The following HOXC4 variants were observed in gnomAD, a reference collection of about 807,000 sequenced individuals.
HOXC4 encodes homeobox C4.
HOXC4 carries 15 observed loss-of-function variants against 25.5 expected under a neutral mutation model. The ratio of observed to expected loss-of-function variants is 0.59; its 90% CI spans 0.39 to 0.91. The LOEUF (loss-of-function observed/expected upper bound fraction) is 0.91. HOXC4 is among the 40% of genes least tolerant of loss of function. The pLI is 0.00. For missense variants in HOXC4, 342 were observed against 352.4 expected, an observed-to-expected ratio of 0.97 and a Z score of 0.24; for synonymous variants, 165 against 148.0, an observed-to-expected ratio of 1.11 and a Z score of -0.83.
At chr12:54,025,443 A>C (rs534355918) in intron 1 of HOXC4, among the ~76,000 whole-genome samples, 2 of 151,022 alleles carry the variant, frequency 1.3e-5, no homozygotes, top group Admixed American at 1.3e-4. Flanking sequence ...CTTGGAGCGA[A>C]TCCTTTCAGC....
intron 1 of HOXC4, chr12:54,028,543 C>G (rs1368012211): frequency 6.2e-7 from 1 of 1,613,948 alleles, no homozygotes; most frequent in Non-Finnish European, 8.5e-7. Context: ...CTTCACTAAC[C>G]CTTCCTTATC....
upstream of HOXC4, among the ~76,000 whole-genome samples, chr12:54,052,631 C>G (rs1197286904): frequency 2.0e-5 from 3 of 151,752 alleles, no homozygotes; most frequent in Admixed American, 2.0e-4. Context: ...CTCTACGGCC[C>G]TGTCACCCCC....
intron 1 of HOXC4, among the ~76,000 whole-genome samples, chr12:54,032,532 T>C (rs746492450): frequency 3.3e-5 from 5 of 152,200 alleles, no homozygotes; most frequent in African/African-American, 9.7e-5. Context: ...TTTTTGAAGA[T>C]TGGAAGACCC....
At position 54,055,117 on chromosome 12, in the gene HOXC4, C is replaced by T. The variant is rs199538004; in HGVS notation, c.707C>T (p.Ser236Leu). The T allele has an allele frequency of 4.3e-6, 7 of 1,613,166 alleles. No individual in the cohort carries two copies. Among genetic ancestry groups the T allele is most frequent in the East Asian group, 2.2e-5 (1 of 44,864 alleles). Residue 236 changes from serine (S) to leucine (L), a missense_variant, in exon 2 of 2, where the codon TCG becomes TTG. Transcript: ENST00000430889. ...PPAGAAPSTLSAATPGTSEDH... is the reference protein window; with the variant it reads ...PPAGAAPSTLLAATPGTSEDH... ...GCCGGCGCTGCGCCCAGCACCCTTT[C>T]GGCAGCTACCCCGGGTACTTCTGAA...
At chr12:54,017,283 T>G (rs1441732568) in exon 1 of HOXC4, 2 of 152,158 alleles carry the variant, frequency 1.3e-5, no homozygotes, top group East Asian at 3.8e-4. Flanking sequence ...ATTTTTGAAT[T>G]TATATAAAGT....
chr12:54,033,319 A>AC, intron 1 of HOXC4: 1 of 1,613,018 alleles, frequency 6.2e-7, no homozygotes, highest in Non-Finnish European at 8.5e-7. Context: ...ATGGCTGCCA[A>AC]CCCCCGGGCT....
intron 1 of HOXC4, chr12:54,021,468 C>T (rs1308202812): frequency 6.6e-6 from 1 of 152,218 alleles, no homozygotes; most frequent in Admixed American, 6.5e-5. Flanking sequence ...AGCCTTTTTC[C>T]CTTCCAGAGA....
intron 1 of HOXC4, chr12:54,028,707 G>A (rs1318210714): frequency 2.5e-6 from 4 of 1,614,074 alleles, no homozygotes; most frequent in Non-Finnish European, 3.4e-6. Flanking sequence ...AGAATGTCGT[G>A]TTCAGTTCCA....
intron 1 of HOXC4, among the ~76,000 whole-genome samples, chr12:54,040,863 G>C (rs1941261058): frequency 6.6e-6 from 1 of 152,180 alleles, no homozygotes; most frequent in African/African-American, 2.4e-5. Flanking sequence ...GGCATGGTTA[G>C]GGAAGGGAGC....
chr12:54,044,714 A>AGTGT (rs1937656430), intron 1 of HOXC4, among the ~76,000 whole-genome samples: 1 of 133,912 alleles, frequency 7.5e-6, no homozygotes, highest in Non-Finnish European at 1.6e-5. Flanking sequence ...GGGGTGTGTG[A>AGTGT]GTGTGTGTGT....
intron 1 of HOXC4, among the ~76,000 whole-genome samples, chr12:54,019,686 C>T (rs1940341953): frequency 6.6e-6 from 1 of 152,064 alleles, no homozygotes; most frequent in Non-Finnish European, 1.5e-5. Flanking sequence ...ACCCGAGGGG[C>T]GGGCCTGGGC....
intron 1 of HOXC4, among the ~76,000 whole-genome samples, chr12:54,027,036 A>G (rs1940749150): frequency 2.0e-5 from 3 of 150,720 alleles, no homozygotes; most frequent in Non-Finnish European, 4.4e-5. Flanking sequence ...AACTCAAGGC[A>G]TTTTCAGCCT....
At chr12:54,019,527 C>T (rs1940332972) in intron 1 of HOXC4, among the ~76,000 whole-genome samples, 1 of 152,166 alleles carries the variant, frequency 6.6e-6, no homozygotes, top group Non-Finnish European at 1.5e-5. Flanking sequence ...TCTCTTTCGC[C>T]TGCATTTTGT....
upstream of HOXC4, among the ~76,000 whole-genome samples, chr12:54,049,544 C>CT (rs11418872): frequency 0.71 from 104,413 of 146,870 alleles, 37,069 homozygotes; most frequent in Middle Eastern, 0.76. Context: ...TCCATGATTG[C>CT]TTTTTTTTTT....
intron 1 of HOXC4, among the ~76,000 whole-genome samples, chr12:54,028,173 C>T (rs775941293): frequency 1.3e-5 from 2 of 152,100 alleles, no homozygotes; most frequent in Non-Finnish European, 2.9e-5. Flanking sequence ...GGTAGTACAG[C>T]TCTCCTTCCC....
intron 1 of HOXC4, among the ~76,000 whole-genome samples, chr12:54,037,168 GGC>G (rs1364749732): frequency 2.6e-5 from 4 of 152,206 alleles, no homozygotes; most frequent in Non-Finnish European, 2.9e-5. Context: ...GGGAGTCAGC[GGC>G]GGCAACCAAG....
In HOXC4 at chr12:54,055,402, C is replaced by G. The variant is rs927888234; in HGVS notation, c.*197C>G. 2.4e-5 allele frequency: 5 copies of G among 209,124 alleles called. No individual in the cohort carries two copies. The highest frequency in any genetic ancestry group is 1.2e-4 in the African/African-American group (5 of 42,892). 13.0% of individuals were successfully genotyped at this position (209,124 alleles called of 1,614,324 possible). A position where few individuals can be genotyped will look rare whatever the true frequency, so the allele number is the denominator to read the frequency against. ...AAACAAGCCCCCTGCCCTCCTCTCCCTCCCACTGTTAAGGACCCTTTTAAG... is the reference window on the plus strand; with the variant it reads ...AAACAAGCCCCCTGCCCTCCTCTCCGTCCCACTGTTAAGGACCCTTTTAAG... On this transcript the variant is annotated 3_prime_UTR_variant, in exon 2 of 2. Transcript: ENST00000430889.
At chr12:54,045,573 C>T (rs1412754558) in intron 1 of HOXC4, among the ~76,000 whole-genome samples, 1 of 152,186 alleles carries the variant, frequency 6.6e-6, no homozygotes, top group African/African-American at 2.4e-5. Flanking sequence ...ACAGTCTTTG[C>T]ATTTTTGCTG....
At position 54,054,080 on chromosome 12, in the gene HOXC4, A is replaced by G. The variant is rs758305434; in HGVS notation, c.158A>G (p.Tyr53Cys). Residue 53 changes from tyrosine to cysteine, a missense_variant, in exon 1 of 2, where the codon TAC (tyrosine) becomes TGC (cysteine). By Grantham distance (194) the Tyr-to-Cys change is radical. Coordinates refer to ENST00000430889, the MANE Select transcript of HOXC4 (RefSeq NM_153633.3). ...TTCCAGCATCACCACCAGGAGCTGTACCCACCACCGCCTCCGCGCCCTAGC... is the reference window on the plus strand; with the variant it reads ...TTCCAGCATCACCACCAGGAGCTGTGCCCACCACCGCCTCCGCGCCCTAGC... ...SGFQHHHQEL[Y>C]PPPPPRPSYP... 6.2e-7 allele frequency: 1 copy of G among 1,614,006 alleles called. No individual in the cohort carries two copies. Among genetic ancestry groups the G allele is most frequent in the Non-Finnish European group, 8.5e-7 (1 of 1,179,980 alleles).
Sources: gnomAD v4.1 joint callset for allele counts (sites outside exome capture counted in the v4.1 genomes callset) on GRCh38, gnomAD v4.1.1 for gene constraint, MANE v1.5 for transcripts, NCBI Gene and HGNC (gene_info 2026-07-23, HGNC 2026-07-21) for gene names.